Variants in FCER1A observed in about 807,000 individuals in gnomAD.
FCER1A encodes the protein high affinity immunoglobulin epsilon receptor subunit alpha.
Under a neutral mutation model 23.6 loss-of-function variants are expected in FCER1A, and 24 were observed. The observed-to-expected ratio is 1.02, with a 90% confidence interval of 0.74 to 1.43. The LOEUF (loss-of-function observed/expected upper bound fraction) is 1.43. Among genes scored for constraint, FCER1A ranks in the 40% most tolerant of loss-of-function variants. The probability of loss-of-function intolerance (pLI) is 0.00; values close to 1 mark genes in which losing one functional copy is unlikely to be tolerated. For missense variants in FCER1A, 318 were observed against 294.5 expected, an observed-to-expected ratio of 1.08 and a Z score of -0.58; for synonymous variants, 121 against 108.8, an observed-to-expected ratio of 1.11 and a Z score of -0.70.
upstream of FCER1A, among the ~76,000 whole-genome samples, chr1:159,298,530 G>A (rs1397571539): frequency 7.9e-5 from 12 of 152,158 alleles, 2 homozygotes; most frequent in Admixed American, 6.5e-4. Context: ...AAGACAAGAA[G>A]TAAAAAATAT....
chr1:159,293,030 C>A (rs1652197455), intron 1 of FCER1A, among the ~76,000 whole-genome samples: 1 of 151,500 alleles, frequency 6.6e-6, no homozygotes, highest in Non-Finnish European at 1.5e-5. Flanking sequence ...TTCACAGTCT[C>A]CAGAACTTTA....
At chr1:159,306,592 C>T (rs1431570002) in intron 4 of FCER1A, among the ~76,000 whole-genome samples, 2 of 151,928 alleles carry the variant, frequency 1.3e-5, no homozygotes, top group Non-Finnish European at 2.9e-5. Flanking sequence ...TGGGGGAACA[C>T]TTATATTTAT....
At chr1:159,284,394 T>C in the FCER1A span, among the ~76,000 whole-genome samples, 1 of 152,224 alleles carries the variant, frequency 6.6e-6, no homozygotes, top group Non-Finnish European at 1.5e-5. Flanking sequence ...TAAGTTTAAT[T>C]TCTGGCTCAG....
At position 159,306,081 on chromosome 1, in the gene FCER1A, A is replaced by C; in HGVS notation, c.425A>C (p.Lys142Thr). The C allele has an allele frequency of 6.2e-7, 1 of 1,614,174 alleles. No individual in the cohort carries two copies. Among genetic ancestry groups the C allele is most frequent in the Non-Finnish European group, 8.5e-7 (1 of 1,180,018 alleles). ...CHGWRNWDVY[K>T]VIYYKDGEAL... Reference sequence around the variant, plus strand: ...GGTTGGAGGAACTGGGATGTGTACAAGGTGATCTATTATAAGGATGGTGAA... The same window carrying C: ...GGTTGGAGGAACTGGGATGTGTACACGGTGATCTATTATAAGGATGGTGAA... Residue 142 changes from lysine (K) to threonine (T), a missense_variant, in exon 4 of 5, where the codon AAG becomes ACG. Coordinates refer to ENST00000693622, the MANE Select transcript of FCER1A (RefSeq NM_001387280.1).
At chr1:159,295,729 C>T (rs1317424372) in intron 1 of FCER1A, among the ~76,000 whole-genome samples, 1 of 152,124 alleles carries the variant, frequency 6.6e-6, no homozygotes, top group Non-Finnish European at 1.5e-5. Context: ...CGGATCAGGG[C>T]CCCTATTCCA....
At chr1:159,301,146 G>T (rs1177893858), upstream of FCER1A, among the ~76,000 whole-genome samples, 2 of 152,164 alleles carry the variant, frequency 1.3e-5, no homozygotes, top group South Asian at 2.1e-4. Context: ...GAAGAGCAAG[G>T]TATGATAGAA....
At position 159,307,980 on chromosome 1, in the gene FCER1A, A is replaced by G. The variant is rs1471504793; in HGVS notation, c.*48A>G. 1.4e-6 allele frequency: 2 copies of G among 1,390,612 alleles called. No homozygotes were observed. Among genetic ancestry groups the G allele is most frequent in the Admixed American group, 3.7e-5 (2 of 54,172 alleles). 86.1% of individuals were successfully genotyped at this position (1,390,612 alleles called of 1,614,324 possible). On this transcript the variant is annotated 3_prime_UTR_variant, in exon 5 of 5. Coordinates refer to ENST00000693622, the MANE Select transcript of FCER1A (RefSeq NM_001387280.1). Reference sequence around the variant, plus strand: ...GCAACATTAGTTTTTTTCCAGCATCAGCAATTGCTACTCAATTGTCAAACA... The same window carrying G: ...GCAACATTAGTTTTTTTCCAGCATCGGCAATTGCTACTCAATTGTCAAACA...
intron 2 of FCER1A, 77 bp from the exon 3 acceptor site, chr1:159,303,851 T>G: frequency 8.9e-7 from 1 of 1,127,274 alleles, no homozygotes; most frequent in Non-Finnish European, 1.3e-6. Context: ...TTGCTTCGTT[T>G]GTACTTTTAA....
intron 1 of FCER1A, among the ~76,000 whole-genome samples, chr1:159,291,446 A>G (rs924216311): frequency 6.6e-6 from 1 of 152,160 alleles, no homozygotes; most frequent in East Asian, 1.9e-4. Flanking sequence ...CCTCTCAAAG[A>G]CTTGTTAGTT....
At chr1:159,306,521 G>A (rs1418035277) in intron 4 of FCER1A, among the ~76,000 whole-genome samples, 1 of 152,058 alleles carries the variant, frequency 6.6e-6, no homozygotes, top group Non-Finnish European at 1.5e-5. Context: ...AAACTGTTAA[G>A]CACTACCCAA....
At chr1:159,297,643 AG>A (rs1652327169), upstream of FCER1A, among the ~76,000 whole-genome samples, 1 of 152,140 alleles carries the variant, frequency 6.6e-6, no homozygotes, top group South Asian at 2.1e-4. Flanking sequence ...GCTTGTTCCT[AG>A]CCTGAACTCT....
At chr1:159,301,956 T>G (rs1652442022), upstream of FCER1A, among the ~76,000 whole-genome samples, 1 of 152,252 alleles carries the variant, frequency 6.6e-6, no homozygotes, top group Non-Finnish European at 1.5e-5. Flanking sequence ...AATATCAGAT[T>G]TATTTAGGAT....
Position 159,307,994 on chromosome 1 carries a change from A to G in FCER1A, c.*62A>G, listed in dbSNP as rs190576386. On this transcript the variant is annotated 3_prime_UTR_variant, in exon 5 of 5. Coordinates refer to ENST00000693622, the MANE Select transcript of FCER1A (RefSeq NM_001387280.1). ...TTTCCAGCATCAGCAATTGCTACTC[A>G]ATTGTCAAACACAGCTTGCAATATA... 50 of 1,257,468 alleles carry G rather than the reference A, an allele frequency of 4.0e-5. No homozygotes were observed. The African/African-American group carries it at 6.7e-4, about 17-fold the overall frequency. 77.9% of individuals were successfully genotyped at this position (1,257,468 alleles called of 1,614,324 possible).
At chr1:159,291,038 C>T (rs962612628) in intron 1 of FCER1A, among the ~76,000 whole-genome samples, 7 of 151,190 alleles carry the variant, frequency 4.6e-5, no homozygotes, top group African/African-American at 1.7e-4. Flanking sequence ...GTCAATATAA[C>T]ATTGAAGTTG....
chr1:159,298,021 G>GT (rs1652339376), upstream of FCER1A, among the ~76,000 whole-genome samples: 1 of 152,172 alleles, frequency 6.6e-6, no homozygotes, highest in African/African-American at 2.4e-5. Context: ...AGACATGAAG[G>GT]TAAGTTTGAA....
upstream of FCER1A, among the ~76,000 whole-genome samples, chr1:159,288,625 GA>G (rs751552647): frequency 3.3e-5 from 5 of 152,176 alleles, no homozygotes; most frequent in Admixed American, 6.5e-5. Flanking sequence ...TTCAGTATGT[GA>G]TTAACCTAAA....
At chr1:159,285,761 AT>A (rs1651998967), upstream of FCER1A, among the ~76,000 whole-genome samples, 1 of 152,184 alleles carries the variant, frequency 6.6e-6, no homozygotes, top group East Asian at 1.9e-4. Context: ...TCAGTGCAGC[AT>A]TCTGTATTTT....
At chr1:159,289,045 A>G (rs1371666312), upstream of FCER1A, among the ~76,000 whole-genome samples, 3 of 152,226 alleles carry the variant, frequency 2.0e-5, no homozygotes, top group Non-Finnish European at 4.4e-5. Context: ...TAGAAATAAC[A>G]TGTCTTCCCC....
upstream of FCER1A, among the ~76,000 whole-genome samples, chr1:159,289,441 C>T (rs1652093431): frequency 6.6e-6 from 1 of 152,182 alleles, no homozygotes. Flanking sequence ...TACAATCTTT[C>T]CATTTCATAC....
Sources: allele counts gnomAD v4.1 joint callset (sites outside exome capture counted in the v4.1 genomes callset), GRCh38; gene constraint gnomAD v4.1.1; transcripts MANE v1.5; gene names NCBI Gene and HGNC (gene_info 2026-07-23, HGNC 2026-07-21).